The following MYOM1 variants were observed in gnomAD, a reference collection of about 807,000 sequenced individuals.
MYOM1 encodes myomesin 1, also known as myomesin-1.
MYOM1 carries 164 observed loss-of-function variants against 205.3 expected under a neutral mutation model. The ratio of observed to expected loss-of-function variants is 0.80; its 90% confidence interval spans 0.70 to 0.91. MYOM1 has a LOEUF of 0.91. Ranked by LOEUF, MYOM1 falls within the 40% of genes least tolerant of loss-of-function variation. The pLI, the probability that MYOM1 is intolerant of heterozygous loss-of-function variation, is 0.00. For synonymous variants in MYOM1, 772 were observed against 789.4 expected (o/e 0.98, Z 0.37); for missense variants, 2,011 against 2,127.3 (o/e 0.95, Z 1.08).
chr18:3,212,268 T>G (rs576214400), intron 2 of MYOM1, among the ~76,000 whole-genome samples: 3 of 152,192 alleles, frequency 2.0e-5, no homozygotes, highest in Non-Finnish European at 4.4e-5. Flanking sequence ...AATATATACA[T>G]AGTAGGAAGG....
chr18:3,166,613 A>G (rs2080476088), intron 9 of MYOM1, among the ~76,000 whole-genome samples: 1 of 152,100 alleles, frequency 6.6e-6, no homozygotes, highest in African/African-American at 2.4e-5. Flanking sequence ...CTAACTAATT[A>G]TGTAACTTTC....
intron 10 of MYOM1, among the ~76,000 whole-genome samples, chr18:3,155,333 T>G (rs1039961681): frequency 6.6e-6 from 1 of 152,208 alleles, no homozygotes; most frequent in Non-Finnish European, 1.5e-5. Context: ...GCCATTCTCC[T>G]GCCTCAGCCT....
chr18:3,123,313 T>A (rs1052961790), intron 19 of MYOM1, among the ~76,000 whole-genome samples: 6 of 152,304 alleles, frequency 3.9e-5, no homozygotes, highest in Middle Eastern at 3.4e-3. Flanking sequence ...AACAAAAGAC[T>A]ACATATAATA....
intron 4 of MYOM1, 140 bp downstream of exon 4, chr18:3,188,608 G>A (rs2080855882): frequency 1.1e-6 from 1 of 948,922 alleles, no homozygotes; most frequent in South Asian, 2.4e-5. Flanking sequence ...CAACCTGGGG[G>A]ACAGAGTGAG....
At position 3,142,009 on chromosome 18, in the gene MYOM1, C is replaced by T. The variant is rs752331737; in HGVS notation, c.1955G>A (p.Ser652Asn). ...TDLSVTEATR[S>N]YVVLSWKPPG... ...GGGCTTCCAGCTGAGCACCACATAG[C>T]TCCGGGTGGCCTCAGTGACAGAGAG... is the stretch of plus-strand genomic sequence containing the variant. Residue 652 changes from serine to asparagine, a missense_variant, in exon 14 of 38, where the codon AGC (serine) becomes AAC (asparagine). Physicochemically the swap from Ser to Asn is conservative, Grantham distance 46. Coordinates refer to ENST00000356443, the MANE Select transcript of MYOM1 (RefSeq NM_003803.4). 7.1e-5 allele frequency: 115 copies of T among 1,613,708 alleles called. 2 individuals are homozygous for T. The South Asian group carries it at 1.2e-3, about 17-fold the overall frequency.
intron 33 of MYOM1, among the ~76,000 whole-genome samples, chr18:3,080,951 G>A (rs2079078375): frequency 6.6e-6 from 1 of 151,992 alleles, no homozygotes; most frequent in African/African-American, 2.4e-5. Context: ...GGCCAGCATG[G>A]TGAAACCTCG....
At chr18:3,076,918 T>G (rs2079026319) in intron 34 of MYOM1, among the ~76,000 whole-genome samples, 1 of 151,976 alleles carries the variant, frequency 6.6e-6, no homozygotes, top group Non-Finnish European at 1.5e-5. Flanking sequence ...TTCACCACAT[T>G]GGCCAGGATG....
intron 21 of MYOM1, among the ~76,000 whole-genome samples, chr18:3,113,119 G>GAA (rs2079551776): frequency 7.5e-6 from 1 of 132,814 alleles, no homozygotes; most frequent in African/African-American, 2.9e-5. Context: ...GAATTACTAA[G>GAA]AGCTGTAAAA....
intron 3 of MYOM1, among the ~76,000 whole-genome samples, chr18:3,193,326 ATACATATATATG>A (rs1480797937): frequency 6.9e-6 from 1 of 145,652 alleles, no homozygotes; most frequent in Non-Finnish European, 1.5e-5. Context: ...ATATGTACAT[ATACATATATATG>A]TACATATACA....
At chr18:3,070,897 T>G (rs2078952395) in intron 37 of MYOM1, among the ~76,000 whole-genome samples, 1 of 152,126 alleles carries the variant, frequency 6.6e-6, no homozygotes, top group African/African-American at 2.4e-5. Context: ...TAGCTGGGAC[T>G]ACAGGTGTGC....
chr18:3,214,513 G>A (rs2081231645), intron 2 of MYOM1, among the ~76,000 whole-genome samples: 2 of 152,178 alleles, frequency 1.3e-5, no homozygotes, highest in Non-Finnish European at 2.9e-5. Context: ...GAAATGCAGG[G>A]CTGCCGTATT....
intron 1 of MYOM1, among the ~76,000 whole-genome samples, chr18:3,217,365 C>T (rs1215483061): frequency 1.3e-5 from 2 of 152,184 alleles, no homozygotes; most frequent in South Asian, 2.1e-4. Context: ...GAGATGACTC[C>T]AAGGTTTTTG....
intron 8 of MYOM1, among the ~76,000 whole-genome samples, chr18:3,170,627 A>G (rs2080543189): frequency 6.6e-6 from 1 of 152,162 alleles, no homozygotes; most frequent in South Asian, 2.1e-4. Context: ...CAACTCTCCT[A>G]GGCTTTATTT....
chr18:3,126,658 T>A (rs774804053), intron 19 of MYOM1, 43 bp downstream of exon 19: 1 of 1,564,194 alleles, frequency 6.4e-7, no homozygotes, highest in South Asian at 1.2e-5. Flanking sequence ...AAGCATAGCG[T>A]CATACATAGG....
At chr18:3,242,481 T>C in the MYOM1 span, among the ~76,000 whole-genome samples, 77 of 152,318 alleles carry the variant, frequency 5.1e-4, 1 homozygote, top group African/African-American at 1.8e-3. Context: ...TAAACCTCTT[T>C]CTTTTGTAAA....
intron 14 of MYOM1, among the ~76,000 whole-genome samples, chr18:3,141,635 G>A (rs2080050795): frequency 6.6e-6 from 1 of 152,194 alleles, no homozygotes; most frequent in South Asian, 2.1e-4. Flanking sequence ...AGAAAACATT[G>A]TCATACAGGC....
At chr18:3,089,055 A>G (rs1251319050) in intron 29 of MYOM1, 119 bp downstream of exon 29, 1 of 604,426 alleles carries the variant, frequency 1.7e-6, no homozygotes, top group African/African-American at 1.9e-5. Flanking sequence ...TGAACAGTAA[A>G]TATGTGTCCC....
At chr18:3,173,888 G>T in intron 8 of MYOM1, 50 bp downstream of exon 8, 2 of 1,517,338 alleles carry the variant, frequency 1.3e-6, no homozygotes, top group Non-Finnish European at 1.8e-6. Flanking sequence ...AACTTATTAT[G>T]CCATATTTTA....
intron 22 of MYOM1, among the ~76,000 whole-genome samples, chr18:3,106,598 G>C (rs2079454784): frequency 6.6e-6 from 1 of 152,190 alleles, no homozygotes; most frequent in South Asian, 2.1e-4. Context: ...GCCAAAGTAG[G>C]ATTGCTTGAG....
Sources: allele counts gnomAD v4.1 joint callset (sites outside exome capture counted in the v4.1 genomes callset), GRCh38; gene constraint gnomAD v4.1.1; transcripts MANE v1.5; gene names NCBI Gene and HGNC (gene_info 2026-07-23, HGNC 2026-07-21).